Variants in GALNTL5 observed in about 807,000 individuals in gnomAD.
GALNTL5 encodes inactive polypeptide N-acetylgalactosaminyltransferase-like protein 5.
Under a neutral mutation model 51.0 loss-of-function variants are expected in GALNTL5, and 44 were observed. That is an observed-to-expected ratio of 0.86 (90% CI 0.68 to 1.11). GALNTL5 has a LOEUF of 1.11. Among genes scored for constraint, GALNTL5 ranks in the 50% least tolerant of loss-of-function variants. GALNTL5 has a pLI of 0.00. For synonymous variants in GALNTL5, 192 were observed against 182.8 expected (o/e 1.05, Z -0.41); for missense variants, 528 against 531.8 (o/e 0.99, Z 0.07).
rs368768310 is a variant in GALNTL5, at chr7:151,995,194, G to C, written c.659-7520G>C. 2.7e-4 allele frequency: 41 copies of C among 152,314 alleles called. 1 individual carries two copies. Among genetic ancestry groups the C allele is most frequent in the African/African-American group, 9.9e-4 (41 of 41,512 alleles). The allele number at this position is 152,314 out of a possible 1,614,324, so 9.4% of individuals were successfully genotyped here. On this transcript the variant is annotated intron_variant, in intron 5 of 8. Transcript: ENST00000392800. ...GGCAGCCTGCGGTGAATGCTGTGCC[G>C]TACCTGCAGGGCATGAAGGAAACCG...
At chr7:152,002,690 A>G (rs1320485099) in intron 5 of GALNTL5, 24 bp from the exon 6 acceptor site, 3 of 1,612,344 alleles carry the variant, frequency 1.9e-6, no homozygotes, top group African/African-American at 2.7e-5. Context: ...GTGGACTAAC[A>G]TTGCCCTGTT....
rs755347291 is a variant in GALNTL5, at chr7:151,982,975, T to C, written c.369-11T>C. 1.4e-5 allele frequency: 22 copies of C among 1,614,006 alleles called. No homozygotes were observed. The highest frequency in any genetic ancestry group is 1.9e-5 in the Non-Finnish European group (22 of 1,179,996). ...GATGGATGGTTTTCTTCATATTGCT[T>C]CTGCCTGCAGGTGTCTTCAAAAACA... is the stretch of plus-strand genomic sequence containing the variant. On this transcript the variant is annotated splice_polypyrimidine_tract_variant and intron_variant, in intron 3 of 8. Coordinates refer to ENST00000392800, the MANE Select transcript of GALNTL5 (RefSeq NM_145292.4).
intron 5 of GALNTL5, chr7:151,995,333 G>A (rs963889460): frequency 1.5e-5 from 2 of 129,090 alleles, no homozygotes; most frequent in African/African-American, 5.8e-5. Context: ...AGAAATCTAC[G>A]ATCAGTTGGT....
chr7:151,965,928 C>T (rs867673897), intron 1 of GALNTL5, among the ~76,000 whole-genome samples: 3 of 152,012 alleles, frequency 2.0e-5, no homozygotes, highest in Non-Finnish European at 2.9e-5. Context: ...TTCTCCTCCC[C>T]CCAACCATGG....
At chr7:151,983,649 G>A (rs892286494) in intron 4 of GALNTL5, among the ~76,000 whole-genome samples, 7 of 152,234 alleles carry the variant, frequency 4.6e-5, no homozygotes, top group Non-Finnish European at 8.8e-5. Context: ...GTGGAGGGGC[G>A]GTGCTTCCAT....
At chr7:151,959,399 C>T (rs1286245526) in intron 1 of GALNTL5, among the ~76,000 whole-genome samples, 1 of 152,154 alleles carries the variant, frequency 6.6e-6, no homozygotes, top group Non-Finnish European at 1.5e-5. Context: ...GCCATTTTCC[C>T]TAGTTAGAAG....
intron 5 of GALNTL5, among the ~76,000 whole-genome samples, chr7:152,000,868 CTCTT>C (rs1035647081): frequency 1.3e-5 from 2 of 150,278 alleles, no homozygotes; most frequent in Non-Finnish European, 3.0e-5. Context: ...GGATTTTTTT[CTCTT>C]TCTTTGTTTC....
intron 7 of GALNTL5, among the ~76,000 whole-genome samples, chr7:152,010,223 C>G (rs922734709): frequency 2.0e-5 from 3 of 152,078 alleles, no homozygotes; most frequent in African/African-American, 7.2e-5. Flanking sequence ...AGCGATTCCC[C>G]TGCCTCAGCC....
rs759428596 is a variant in GALNTL5 at position 152,019,648 on chromosome 7, G to A, written c.1179G>A (p.Glu393=). The part of the protein sequence containing the change: ...LVHVWLDEYK[E]QFFLRKPGLK... ...ACTGACTCTATATTTTCATTTAGGA[G>A]CAGTTTTTTCTTCGAAAGCCTGGTC... is the stretch of plus-strand genomic sequence containing the variant. Residue 393 remains glutamate (E), a splice_region_variant and synonymous_variant, in exon 9 of 9, where the codon GAG becomes GAA. Coordinates refer to ENST00000392800, the MANE Select transcript of GALNTL5 (RefSeq NM_145292.4). The A allele has an allele frequency of 4.4e-6, 7 of 1,609,058 alleles. No individual in the cohort carries two copies. Among genetic ancestry groups the A allele is most frequent in the Non-Finnish European group, 5.9e-6 (7 of 1,177,194 alleles).
At position 151,967,024 on chromosome 7, in the gene GALNTL5, A is replaced by G. The variant is rs143567946; in HGVS notation, c.-39-184A>G. On this transcript the variant is annotated intron_variant, in intron 1 of 8. Transcript: ENST00000392800. ...AGCATGTTATACATTTTGATGTTAA[A>G]TAATCTTAGGAATATCAGTTTTAGG... Among the ~76,000 whole-genome samples, 898 of 152,326 alleles carry G rather than the reference A, an allele frequency of 5.9e-3. 4 individuals carry two copies. The highest frequency in any genetic ancestry group is 0.02 in the African/African-American group (815 of 41,564).
intron 3 of GALNTL5, among the ~76,000 whole-genome samples, chr7:151,975,443 TGAGTCTTCTTTTTTC>T (rs2081193887): frequency 6.6e-6 from 1 of 152,104 alleles, no homozygotes; most frequent in South Asian, 2.1e-4. Flanking sequence ...CTTGTTTTTT[TGAGTCTTCTTTTTTC>T]TTAATTAGTC....
At chr7:151,987,317 C>A (rs758293910) in intron 5 of GALNTL5, 36 bp downstream of exon 5, 36 of 1,525,328 alleles carry the variant, frequency 2.4e-5, no homozygotes, top group Middle Eastern at 3.5e-4. Flanking sequence ...CCAGTGACGG[C>A]GTCACAGAGA....
chr7:151,980,737 A>ATTTTTTTTTTTTTTT lies in GALNTL5; in HGVS notation c.369-2237_369-2223dup, dbSNP rs61288964. Among the ~76,000 whole-genome samples, 2 of 98,966 alleles carry ATTTTTTTTTTTTTTT rather than the reference A, an allele frequency of 2.0e-5. 1 individual carries two copies. The highest frequency in any genetic ancestry group is 9.5e-5 in the African/African-American group (2 of 21,144). The allele number at this position is 98,966 out of a possible 152,430, so 64.9% of individuals were successfully genotyped here. A position where few individuals can be genotyped will look rare whatever the true frequency, so the allele number is the denominator to read the frequency against. On this transcript the variant is annotated intron_variant, in intron 3 of 8. Transcript: ENST00000392800. ...CCGTGTGATTGCAGTGCTAACAATGATTTTTTTTTTTTTTTTTTTTTTTTT... is the reference window on the plus strand; with the variant it reads ...CCGTGTGATTGCAGTGCTAACAATGATTTTTTTTTTTTTTTTTTTTTTTTTTTTTTTTTTTTTTTT...
At chr7:151,980,558 T>A (rs568707027) in intron 3 of GALNTL5, among the ~76,000 whole-genome samples, 1 of 151,998 alleles carries the variant, frequency 6.6e-6, no homozygotes, top group African/African-American at 2.4e-5. Context: ...GGGCATGACT[T>A]CTCTGTCTTC....
chr7:151,975,480 T>G (rs2081194134), intron 3 of GALNTL5, among the ~76,000 whole-genome samples: 1 of 152,096 alleles, frequency 6.6e-6, no homozygotes, highest in African/African-American at 2.4e-5. Flanking sequence ...AGCTAAAGGT[T>G]TGTCAAATTT....
intron 4 of GALNTL5, among the ~76,000 whole-genome samples, chr7:151,984,969 C>G (rs983179910): frequency 5.3e-5 from 8 of 152,178 alleles, no homozygotes; most frequent in African/African-American, 1.7e-4. Context: ...CAAAATGCCA[C>G]AAACTGGGTG....
intron 4 of GALNTL5, among the ~76,000 whole-genome samples, chr7:151,985,052 G>A (rs766418384): frequency 3.3e-5 from 5 of 152,136 alleles, no homozygotes; most frequent in Non-Finnish European, 7.4e-5. Flanking sequence ...CAGCAGGATC[G>A]AGTTCTTAGA....
At chr7:151,987,327 A>C in intron 5 of GALNTL5, 46 bp downstream of exon 5, 1 of 1,518,066 alleles carries the variant, frequency 6.6e-7, no homozygotes, top group Non-Finnish European at 8.8e-7. Context: ...CGTCACAGAG[A>C]TCTTCCCTTC....
chr7:151,980,349 G>A (rs1189894729), intron 3 of GALNTL5, among the ~76,000 whole-genome samples: 1 of 152,220 alleles, frequency 6.6e-6, no homozygotes, highest in East Asian at 1.9e-4. Context: ...CTCCCAAAGT[G>A]CTAGGATGAC....
Sources: allele counts gnomAD v4.1 joint callset (sites outside exome capture counted in the v4.1 genomes callset), GRCh38; gene constraint gnomAD v4.1.1; transcripts MANE v1.5; gene names NCBI Gene and HGNC (gene_info 2026-07-23, HGNC 2026-07-21).